Variants in HNRNPLL observed in about 807,000 individuals in gnomAD.
HNRNPLL encodes heterogeneous nuclear ribonucleoprotein L-like.
Under a neutral mutation model 67.1 loss-of-function variants are expected in HNRNPLL, and 25 were observed. The ratio of observed to expected loss-of-function variants is 0.37; its 90% CI spans 0.27 to 0.52. HNRNPLL has a LOEUF of 0.52. Ranked by LOEUF, HNRNPLL falls within the 20% of genes least tolerant of loss-of-function variation. The probability of loss-of-function intolerance (pLI) is 0.90; values close to 1 mark genes in which losing one functional copy is unlikely to be tolerated. For missense variants in HNRNPLL, 542 were observed against 673.9 expected, an observed-to-expected ratio of 0.80 and a Z score of 2.17; for synonymous variants, 267 against 241.7, an observed-to-expected ratio of 1.10 and a Z score of -0.97.
intron 2 of HNRNPLL, among the ~76,000 whole-genome samples, chr2:38,586,683 C>T (rs1666747981): frequency 6.6e-6 from 1 of 152,058 alleles, no homozygotes; most frequent in Non-Finnish European, 1.5e-5. Flanking sequence ...GACCAAAGTT[C>T]CAAAGTTCAT....
Position 38,573,373 on chromosome 2 carries a change from T to A in HNRNPLL, c.929A>T (p.Asp310Val). 1 of 1,612,316 alleles carries A rather than the reference T, an allele frequency of 6.2e-7. No homozygotes were observed. Among genetic ancestry groups the A allele is most frequent in the Non-Finnish European group, 8.5e-7 (1 of 1,179,096 alleles). ...TGGATAAGCAACAAGTTCAGGTGTATCTCGAGAGCCCATTCTGTAACGACT... is the reference window on the plus strand; with the variant it reads ...TGGATAAGCAACAAGTTCAGGTGTAACTCGAGAGCCCATTCTGTAACGACT... The part of the protein sequence containing the change: ...LPSRYRMGSR[D>V]TPELVAYPLP... Residue 310 changes from aspartate to valine, a missense_variant, in exon 8 of 13, where the codon GAT becomes GTT. Physicochemically the swap from Asp to Val is radical, Grantham distance 152. Around this residue, in one of 2 missense-constraint regions of HNRNPLL, gnomAD observed 415 missense variants for 575.2 expected, o/e 0.72. Transcript: ENST00000449105.
intron 1 of HNRNPLL, among the ~76,000 whole-genome samples, chr2:38,592,757 T>C (rs1475392616): frequency 6.6e-6 from 1 of 152,254 alleles, no homozygotes; most frequent in Admixed American, 6.5e-5. Context: ...GGCACTTCTC[T>C]TGCATCGTAA....
intron 12 of HNRNPLL, among the ~76,000 whole-genome samples, chr2:38,567,560 G>C (rs932311394): frequency 6.6e-6 from 1 of 152,104 alleles, no homozygotes; most frequent in Non-Finnish European, 1.5e-5. Context: ...TGCATGTATT[G>C]CTTTCCTCTA....
In HNRNPLL at chr2:38,582,265, T is replaced by C. The variant is rs1043734105; in HGVS notation, c.633-97A>G. 11 of 804,324 alleles carry C rather than the reference T, an allele frequency of 1.4e-5. No homozygotes were observed. The Admixed American group carries it at 1.4e-4, about 10-fold the overall frequency. 49.8% of individuals were successfully genotyped at this position (804,324 alleles called of 1,614,324 possible). A position where few individuals can be genotyped will look rare whatever the true frequency, so the allele number is the denominator to read the frequency against. On this transcript the variant is annotated intron_variant, in intron 4 of 12. Coordinates refer to ENST00000449105, the MANE Select transcript of HNRNPLL (RefSeq NM_138394.4). ...TTGAAAATAATCAGAAGTAGCTCTTTTACTTCTGGAAATGTTTTACCAATT... is the reference window on the plus strand; with the variant it reads ...TTGAAAATAATCAGAAGTAGCTCTTCTACTTCTGGAAATGTTTTACCAATT...
At chr2:38,564,500 G>A (rs1018986765) in intron 12 of HNRNPLL, among the ~76,000 whole-genome samples, 1 of 150,840 alleles carries the variant, frequency 6.6e-6, no homozygotes, top group East Asian at 2.0e-4. Context: ...CACGCCTGTA[G>A]TCCCAGCTAC....
intron 4 of HNRNPLL, among the ~76,000 whole-genome samples, 158 bp from the exon 5 acceptor site, chr2:38,582,326 T>A (rs1332827111): frequency 6.6e-6 from 1 of 152,146 alleles, no homozygotes; most frequent in East Asian, 1.9e-4. Flanking sequence ...TTGTTTTGTT[T>A]TGTTTTTGAG....
chr2:38,588,148 C>T (rs910516221), intron 2 of HNRNPLL, among the ~76,000 whole-genome samples: 3 of 152,138 alleles, frequency 2.0e-5, no homozygotes, highest in Non-Finnish European at 2.9e-5. Flanking sequence ...CTCTCAAATA[C>T]GTCTTTATAG....
chr2:38,595,704 C>T (rs551374767), intron 1 of HNRNPLL, among the ~76,000 whole-genome samples: 1 of 152,180 alleles, frequency 6.6e-6, no homozygotes, highest in African/African-American at 2.4e-5. Context: ...ATTAGCCGGG[C>T]GTGGTGGCGG....
At chr2:38,570,005 A>C in intron 8 of HNRNPLL, 80 bp from the exon 9 acceptor site, 1 of 923,232 alleles carries the variant, frequency 1.1e-6, no homozygotes, top group Non-Finnish European at 1.7e-6. Context: ...AATACGACCT[A>C]AGTGGTTAAA....
At chr2:38,577,327 T>A in intron 7 of HNRNPLL, 134 bp downstream of exon 7, 1 of 597,912 alleles carries the variant, frequency 1.7e-6, no homozygotes, top group South Asian at 2.2e-5. Flanking sequence ...GGGAGTACAT[T>A]ACAAGGGACT....
chr2:38,589,023 CTG>C (rs945082611), intron 2 of HNRNPLL, among the ~76,000 whole-genome samples: 2 of 152,152 alleles, frequency 1.3e-5, no homozygotes, highest in East Asian at 1.9e-4. Flanking sequence ...AGTGCACAAA[CTG>C]TGTCCTCCCA....
intron 4 of HNRNPLL, among the ~76,000 whole-genome samples, chr2:38,582,501 G>A (rs1384182147): frequency 2.6e-5 from 4 of 152,044 alleles, no homozygotes; most frequent in Admixed American, 6.6e-5. Context: ...TAGTAGATAC[G>A]GGGTTTCACC....
Position 38,579,477 on chromosome 2 carries a change from G to A in HNRNPLL, c.803-1945C>T, listed in dbSNP as rs147876933. Among the ~76,000 whole-genome samples, 7 of 151,908 alleles carry A rather than the reference G, an allele frequency of 4.6e-5. No individual in the cohort carries two copies. The East Asian group carries it at 7.7e-4, about 17-fold the overall frequency. The stretch of plus-strand genomic sequence containing the variant: ...TCACTTCATTTGAAGTATTCACTGC[G>A]TAACAGGTCACGTAAAACAGAAGTG... On this transcript the variant is annotated intron_variant, in intron 6 of 12. Coordinates refer to ENST00000449105, the MANE Select transcript of HNRNPLL (RefSeq NM_138394.4).
chr2:38,577,677 A>G lies in HNRNPLL; in HGVS notation c.803-145T>C, dbSNP rs1666353209. 3 of 623,042 alleles carry G rather than the reference A, an allele frequency of 4.8e-6. No homozygotes were observed. The South Asian group carries it at 5.7e-5, about 12-fold the overall frequency. The allele number at this position is 623,042 out of a possible 1,614,324, so 38.6% of individuals were successfully genotyped here. A position where few individuals can be genotyped will look rare whatever the true frequency, so the allele number is the denominator to read the frequency against. ...CCTGGTTAACTTTAAACATCCATTC[A>G]TATCCAATTTAAACACAACACCAAG... is the stretch of plus-strand genomic sequence containing the variant. On this transcript the variant is annotated intron_variant, in intron 6 of 12. Transcript: ENST00000449105.
At chr2:38,588,079 G>C (rs1285027520) in intron 2 of HNRNPLL, among the ~76,000 whole-genome samples, 1 of 152,070 alleles carries the variant, frequency 6.6e-6, no homozygotes, top group African/African-American at 2.4e-5. Context: ...AGAAGCAGAA[G>C]ACTGTATAGC....
chr2:38,590,266 T>C (rs564206143), intron 2 of HNRNPLL, among the ~76,000 whole-genome samples: 1 of 152,360 alleles, frequency 6.6e-6, no homozygotes, highest in East Asian at 1.9e-4. Flanking sequence ...ATAACCCATT[T>C]CTGCTGGATA....
chr2:38,586,354 T>C (rs1019743289), intron 2 of HNRNPLL, among the ~76,000 whole-genome samples: 7 of 152,192 alleles, frequency 4.6e-5, no homozygotes, highest in African/African-American at 2.4e-5. Context: ...AACAGGTAGA[T>C]GTACACATAT....
chr2:38,569,090 G>A (rs752864915), intron 10 of HNRNPLL, 43 bp downstream of exon 10: 4 of 1,341,648 alleles, frequency 3.0e-6, no homozygotes, highest in African/African-American at 1.5e-5. Flanking sequence ...TTTTAAAATA[G>A]GAAATAGCAA....
intron 7 of HNRNPLL, among the ~76,000 whole-genome samples, chr2:38,576,694 C>T (rs1272626111): frequency 6.6e-6 from 1 of 151,814 alleles, no homozygotes; most frequent in Admixed American, 6.6e-5. Flanking sequence ...AGGTGCTTTT[C>T]GGTGACCAAT....
Sources: gnomAD v4.1 joint callset for allele counts (sites outside exome capture counted in the v4.1 genomes callset) on GRCh38, gnomAD v4.1.1 for gene constraint, gnomAD v4.1.1 regional missense constraint, MANE v1.5 for transcripts, NCBI Gene and HGNC (gene_info 2026-07-23, HGNC 2026-07-21) for gene names.